Variants in IPO11 observed in about 807,000 individuals in gnomAD.
IPO11 encodes the protein importin 11.
Under a neutral mutation model 143.2 loss-of-function variants are expected in IPO11, and 66 were observed. The ratio of observed to expected loss-of-function variants is 0.46; its 90% confidence interval spans 0.38 to 0.57. The LOEUF is 0.57. IPO11 is among the 20% of genes least tolerant of loss of function. The pLI is 0.00. For missense variants in IPO11, 1,026 were observed against 1,141.0 expected, an observed-to-expected ratio of 0.90 and a Z score of 1.45; for synonymous variants, 385 against 377.8, an observed-to-expected ratio of 1.02 and a Z score of -0.22.
At chr5:62,452,137 C>A (rs1189349529) in intron 5 of IPO11, among the ~76,000 whole-genome samples, 1 of 151,454 alleles carries the variant, frequency 6.6e-6, no homozygotes, top group Non-Finnish European at 1.5e-5. Flanking sequence ...TCCAGCTACT[C>A]AGGAGGCTGA....
intron 24 of IPO11, among the ~76,000 whole-genome samples, chr5:62,547,960 AC>A (rs1743262766): frequency 6.6e-6 from 1 of 152,122 alleles, no homozygotes; most frequent in African/African-American, 2.4e-5. Flanking sequence ...TTGCTCAGAG[AC>A]AACCACTTTT....
intron 15 of IPO11, among the ~76,000 whole-genome samples, 154 bp from the exon 16 acceptor site, chr5:62,493,844 T>C (rs764354344): frequency 2.0e-5 from 3 of 152,234 alleles, no homozygotes; most frequent in Non-Finnish European, 4.4e-5. Flanking sequence ...GCTGCGATTA[T>C]AAGCATGAGC....
At chr5:62,421,815 T>G (rs1436836919) in intron 1 of IPO11, among the ~76,000 whole-genome samples, 1 of 152,234 alleles carries the variant, frequency 6.6e-6, no homozygotes, top group Non-Finnish European at 1.5e-5. Flanking sequence ...CATGCATGTT[T>G]GAACAAATGG....
chr5:62,488,060 A>G (rs1222839297), intron 13 of IPO11, among the ~76,000 whole-genome samples, 199 bp downstream of exon 13: 1 of 152,218 alleles, frequency 6.6e-6, no homozygotes, highest in Non-Finnish European at 1.5e-5. Flanking sequence ...TTGGACGATG[A>G]TAAATTTTCC....
intron 27 of IPO11, chr5:62,579,485 T>C: frequency 1.9e-6 from 3 of 1,550,910 alleles, no homozygotes; most frequent in Non-Finnish European, 2.6e-6. Flanking sequence ...CTGTTTCTGG[T>C]TGTTACCTGT....
intron 26 of IPO11, among the ~76,000 whole-genome samples, chr5:62,559,806 C>T (rs1053531956): frequency 1.3e-5 from 2 of 148,362 alleles, no homozygotes; most frequent in Admixed American, 6.9e-5. Context: ...ATCCTAGCTA[C>T]TTGGGAGGCT....
At chr5:62,554,039 C>T (rs1330054070) in intron 26 of IPO11, among the ~76,000 whole-genome samples, 2 of 152,096 alleles carry the variant, frequency 1.3e-5, no homozygotes, top group Non-Finnish European at 2.9e-5. Context: ...CAGATGTTGA[C>T]CATTTTTTCA....
chr5:62,521,262 A>C (rs1742191910), intron 20 of IPO11, among the ~76,000 whole-genome samples: 1 of 152,232 alleles, frequency 6.6e-6, no homozygotes, highest in Non-Finnish European at 1.5e-5. Flanking sequence ...TTGCAAAAAT[A>C]CATAGGAGGT....
chr5:62,435,285 C>G (rs1283548286), intron 1 of IPO11, among the ~76,000 whole-genome samples: 2 of 148,628 alleles, frequency 1.3e-5, no homozygotes, highest in Non-Finnish European at 1.5e-5. Context: ...CTTCTTTTTA[C>G]TACTTAACGT....
rs754918627 is a variant in IPO11 at position 62,485,495 on chromosome 5, G to T, written c.1218+33G>T. On this transcript the variant is annotated intron_variant, in intron 12 of 29. Coordinates refer to ENST00000325324, the MANE Select transcript of IPO11 (RefSeq NM_016338.5). ...TTAATTGCAAGAAAAATTGATAGGG[G>T]AAAGCTTAATCTTTCTAAAGCTCTT... 23 of 1,510,194 alleles carry T rather than the reference G, an allele frequency of 1.5e-5. No homozygotes were observed. In the East Asian group the frequency reaches 5.2e-4, roughly 34 times the overall value. The allele number at this position is 1,510,194 out of a possible 1,614,324, so 93.5% of individuals were successfully genotyped here.
At chr5:62,418,983 T>G (rs1345047498) in intron 1 of IPO11, 1 of 1,541,832 alleles carries the variant, frequency 6.5e-7, no homozygotes, top group East Asian at 2.5e-5. Flanking sequence ...GCAATTTTGT[T>G]GTTCTATGAA....
chr5:62,598,218 G>T (rs921306369), intron 28 of IPO11, among the ~76,000 whole-genome samples: 1 of 151,910 alleles, frequency 6.6e-6, no homozygotes, highest in Admixed American at 6.6e-5. Context: ...GCACTGGGGG[G>T]CTGGGATCAG....
At chr5:62,581,346 G>A (rs1193669662) in intron 27 of IPO11, 1 of 1,419,578 alleles carries the variant, frequency 7.0e-7, no homozygotes, top group Non-Finnish European at 9.3e-7. Context: ...TCAGTGCCAT[G>A]GACATGATTT....
intron 20 of IPO11, among the ~76,000 whole-genome samples, chr5:62,516,086 AATAT>A (rs978409603): frequency 2.0e-5 from 3 of 152,166 alleles, no homozygotes; most frequent in South Asian, 2.1e-4. Context: ...CGTGAGTTAG[AATAT>A]ATGTGTGGAG....
chr5:62,600,040 T>C (rs1000089674), intron 28 of IPO11, among the ~76,000 whole-genome samples: 4 of 152,126 alleles, frequency 2.6e-5, no homozygotes, highest in Admixed American at 6.6e-5. Flanking sequence ...ATAAATCTTC[T>C]TTTTTTGGGG....
At chr5:62,586,768 A>AAAAAAAATATATATATAT in intron 27 of IPO11, among the ~76,000 whole-genome samples, 1 of 28,912 alleles carries the variant, frequency 3.5e-5, no homozygotes, top group African/African-American at 1.3e-4. Flanking sequence ...AAAAAAAAAA[A>AAAAAAAATATATATATAT]ATATATATAT....
At chr5:62,518,707 TTCTG>T (rs1334163827) in intron 20 of IPO11, among the ~76,000 whole-genome samples, 3 of 152,198 alleles carry the variant, frequency 2.0e-5, no homozygotes, top group African/African-American at 4.8e-5. Flanking sequence ...TGGTGTAAGT[TTCTG>T]TATGTTTTTG....
At chr5:62,545,360 A>G (rs1743131097) in intron 24 of IPO11, among the ~76,000 whole-genome samples, 2 of 152,226 alleles carry the variant, frequency 1.3e-5, no homozygotes, top group African/African-American at 2.4e-5. Context: ...AGGATTCCGT[A>G]TTTAATAAAT....
At chr5:62,427,743 T>A (rs1038270504) in intron 1 of IPO11, among the ~76,000 whole-genome samples, 9 of 152,200 alleles carry the variant, frequency 5.9e-5, no homozygotes, top group Non-Finnish European at 1.3e-4. Context: ...CCCTGCCCTT[T>A]ACCCCTCTTC....
Sources: gnomAD v4.1 joint callset for allele counts (sites outside exome capture counted in the v4.1 genomes callset) on GRCh38, gnomAD v4.1.1 for gene constraint, MANE v1.5 for transcripts, NCBI Gene and HGNC (gene_info 2026-07-23, HGNC 2026-07-21) for gene names.